ZPLD1: variants seen among roughly 807,000 people sequenced by gnomAD.
The protein encoded by ZPLD1 is zona pellucida like domain containing 1, also known as zona pellucida-like domain-containing protein 1.
A neutral mutation model predicts 47.2 loss-of-function variants in ZPLD1; 34 were observed. The observed-to-expected ratio is 0.72, with a 90% CI of 0.55 to 0.96. The LOEUF (loss-of-function observed/expected upper bound fraction) is 0.96, where lower values mean the gene tolerates loss of function less well. ZPLD1 is among the 40% of genes least tolerant of loss of function. The pLI, the probability that ZPLD1 is intolerant of heterozygous loss-of-function variation, is 0.00. For missense variants in ZPLD1, 512 were observed against 505.8 expected (o/e 1.01, Z -0.12); for synonymous variants, 176 against 186.2 (o/e 0.95, Z 0.45).
At chr3:102,390,049 T>C (rs1373530014) in intron 6 of ZPLD1, among the ~76,000 whole-genome samples, 1 of 152,194 alleles carries the variant, frequency 6.6e-6, no homozygotes, top group Non-Finnish European at 1.5e-5. Flanking sequence ...ACTTAATGTG[T>C]TACACCCTCC....
intron 10 of ZPLD1, among the ~76,000 whole-genome samples, chr3:102,471,199 G>T (rs1707680278): frequency 6.6e-6 from 1 of 152,110 alleles, no homozygotes; most frequent in Non-Finnish European, 1.5e-5. Flanking sequence ...GTTTCTGGTT[G>T]GGCTTGACCA....
At chr3:102,453,223 C>G in intron 4 of ZPLD1, 84 bp downstream of exon 4, 2 of 1,241,482 alleles carry the variant, frequency 1.6e-6, no homozygotes, top group South Asian at 2.7e-5. Flanking sequence ...GATGCCCAAT[C>G]TATCTCTTGA....
intron 7 of ZPLD1, among the ~76,000 whole-genome samples, chr3:102,414,102 T>C (rs910523999): frequency 3.3e-5 from 5 of 151,798 alleles, no homozygotes; most frequent in African/African-American, 1.2e-4. Flanking sequence ...GTGGCTCTTA[T>C]CACTTATTTA....
intron 6 of ZPLD1, among the ~76,000 whole-genome samples, chr3:102,389,210 G>A (rs2107282852): frequency 6.6e-6 from 1 of 152,308 alleles, no homozygotes. Flanking sequence ...TGGAGAGAGT[G>A]CTACTACTTG....
chr3:102,470,478 G>T lies in ZPLD1; in HGVS notation c.1018G>T (p.Ala340Ser), dbSNP rs1399425816. 4 of 1,613,806 alleles carry T rather than the reference G, an allele frequency of 2.5e-6. No homozygotes were observed. Among genetic ancestry groups the T allele is most frequent in the Non-Finnish European group, 3.4e-6 (4 of 1,179,950 alleles). The change falls in exon 10 of 12, where the codon GCT becomes TCT. Residue 340 changes from alanine (A) to serine (S), a missense_variant. By Grantham distance (99) the Ala-to-Ser change is moderately conservative. Coordinates refer to ENST00000466937, the MANE Select transcript of ZPLD1 (RefSeq NM_001329788.2). ...CTCTTCTGGCAGCGCGGTGCTCTCT[G>T]CTGGTCCCATCATTACTCGGAGTGG... is the stretch of plus-strand genomic sequence containing the variant. ...QSSSGSAVLS[A>S]GPIITRSDET... is the part of the protein sequence containing the mutation.
chr3:102,452,156 T>C lies in ZPLD1; in HGVS notation c.107-763T>C, dbSNP rs12629980. On this transcript the variant is annotated intron_variant, in intron 3 of 11. Coordinates refer to ENST00000466937, the MANE Select transcript of ZPLD1 (RefSeq NM_001329788.2). Reference sequence around the variant, plus strand: ...GTGTGTGTGTGTGTGTGTGTGTGTGTGCTCACTTCTATAGACATGGACTAG... The same window carrying C: ...GTGTGTGTGTGTGTGTGTGTGTGTGCGCTCACTTCTATAGACATGGACTAG... Among the ~76,000 whole-genome samples, 98 of 138,250 alleles carry C rather than the reference T, an allele frequency of 7.1e-4. 1 individual carries two copies. In the South Asian group the frequency reaches 0.015, roughly 22 times the overall value. 90.7% of individuals were successfully genotyped at this position (138,250 alleles called of 152,430 possible). A position where few individuals can be genotyped will look rare whatever the true frequency, so the allele number is the denominator to read the frequency against.
At chr3:102,462,001 G>A (rs932647263) in intron 6 of ZPLD1, among the ~76,000 whole-genome samples, 2 of 151,896 alleles carry the variant, frequency 1.3e-5, no homozygotes, top group African/African-American at 2.4e-5. Context: ...ATATTAACTA[G>A]TGACCACTGA....
At chr3:102,387,986 A>G (rs1032738925) in intron 6 of ZPLD1, among the ~76,000 whole-genome samples, 6 of 147,734 alleles carry the variant, frequency 4.1e-5, no homozygotes, top group South Asian at 4.3e-4. Context: ...TCAGCCTCCC[A>G]AGTAGCTGGA....
At chr3:102,396,347 G>T (rs750433438) in intron 7 of ZPLD1, among the ~76,000 whole-genome samples, 1 of 152,020 alleles carries the variant, frequency 6.6e-6, no homozygotes, top group African/African-American at 2.4e-5. Context: ...GTGACAATTG[G>T]GTATTCATAT....
chr3:102,406,819 T>C (rs532162680), intron 7 of ZPLD1, among the ~76,000 whole-genome samples: 1 of 152,042 alleles, frequency 6.6e-6, no homozygotes, highest in Admixed American at 6.6e-5. Flanking sequence ...TCTCTTTGAG[T>C]GAAATCGTTC....
At chr3:102,458,476 T>A (rs1707453707) in intron 6 of ZPLD1, among the ~76,000 whole-genome samples, 2 of 152,210 alleles carry the variant, frequency 1.3e-5, no homozygotes, top group African/African-American at 4.8e-5. Flanking sequence ...AAATTTTTAT[T>A]CATACATTTT....
At chr3:102,414,887 G>A (rs941927977) in intron 7 of ZPLD1, among the ~76,000 whole-genome samples, 2 of 151,772 alleles carry the variant, frequency 1.3e-5, no homozygotes, top group African/African-American at 2.4e-5. Context: ...TTCTCTTTTT[G>A]TGGTAAAATA....
At chr3:102,411,577 A>G (rs977290956) in intron 7 of ZPLD1, among the ~76,000 whole-genome samples, 1 of 151,828 alleles carries the variant, frequency 6.6e-6, no homozygotes, top group Non-Finnish European at 1.5e-5. Context: ...GTATGATTCT[A>G]TCATCTGTAT....
At chr3:102,426,514 ATCTC>A (rs1706950275) in intron 8 of ZPLD1, among the ~76,000 whole-genome samples, 1 of 149,350 alleles carries the variant, frequency 6.7e-6, no homozygotes. Flanking sequence ...GTGAAACTCC[ATCTC>A]AAAAAAAAAA....
intron 8 of ZPLD1, among the ~76,000 whole-genome samples, chr3:102,427,009 C>T (rs999251534): frequency 5.3e-5 from 8 of 152,154 alleles, no homozygotes; most frequent in Non-Finnish European, 5.9e-5. Context: ...TGCTTCAACA[C>T]CTTCCTGAGT....
intron 4 of ZPLD1, among the ~76,000 whole-genome samples, chr3:102,454,654 G>A (rs1255003735): frequency 2.0e-5 from 3 of 152,192 alleles, no homozygotes; most frequent in Non-Finnish European, 4.4e-5. Context: ...TCAGGAGTTC[G>A]AGACCAGCCT....
chr3:102,420,104 G>A (rs1706859093), intron 8 of ZPLD1, among the ~76,000 whole-genome samples: 1 of 151,800 alleles, frequency 6.6e-6, no homozygotes, highest in African/African-American at 2.4e-5. Context: ...AGATGTCTAA[G>A]TTGATTTCAA....
In ZPLD1 at chr3:102,401,175, G is replaced by T. The variant is rs558692170; in HGVS notation, c.-157+8950G>T. 1.5e-4 allele frequency among the ~76,000 whole-genome samples: 23 copies of T among 152,168 alleles called. No individual in the cohort carries two copies. The East Asian group carries it at 4.3e-3, about 28-fold the overall frequency. Reference sequence around the variant, plus strand: ...ATATCGTTAGTCATATGAATGACATGTCAGCTACAATATTCCTGCTCTATA... The same window carrying T: ...ATATCGTTAGTCATATGAATGACATTTCAGCTACAATATTCCTGCTCTATA... On this transcript the variant is annotated intron_variant, in intron 7 of 17. Transcript: ENST00000491959.
chr3:102,430,935 GAAGGAAGTCA>G (rs1272560944), upstream of ZPLD1, among the ~76,000 whole-genome samples: 1 of 152,114 alleles, frequency 6.6e-6, no homozygotes, highest in East Asian at 1.9e-4. Context: ...ATGAAAGGAG[GAAGGAAGTCA>G]ATATGCTAGC....
Sources: gnomAD v4.1 joint callset for allele counts (sites outside exome capture counted in the v4.1 genomes callset) on GRCh38, gnomAD v4.1.1 for gene constraint, MANE v1.5 for transcripts, NCBI Gene and HGNC (gene_info 2026-07-23, HGNC 2026-07-21) for gene names.